The following LHX8 variants were observed in gnomAD, a reference collection of about 807,000 sequenced individuals.
LHX8 encodes LIM/homeobox protein Lhx8.
In LHX8, 12 loss-of-function variants were observed where a neutral mutation model predicts 40.3. The observed-to-expected ratio is 0.30, with a 90% confidence interval of 0.19 to 0.48. LHX8 has a LOEUF of 0.48. LHX8 is among the 20% of genes least tolerant of loss of function. The pLI, the probability that LHX8 is intolerant of heterozygous loss-of-function variation, is 0.99. For synonymous variants in LHX8, 179 were observed against 162.0 expected, an observed-to-expected ratio of 1.10 and a Z score of -0.80; for missense variants, 344 against 433.7, an observed-to-expected ratio of 0.79 and a Z score of 1.84.
chr1:75,196,594 T>G, the LHX8 span, among the ~76,000 whole-genome samples: 17,371 of 152,156 alleles, frequency 0.11, 1,246 homozygotes, highest in Middle Eastern at 0.22. Context: ...GGCTCAGTGG[T>G]TTAGGGATAT....
the LHX8 span, among the ~76,000 whole-genome samples, chr1:75,168,615 C>G: frequency 2.0e-5 from 3 of 152,136 alleles, no homozygotes; most frequent in Non-Finnish European, 4.4e-5. Flanking sequence ...ACACATAACT[C>G]AGTCATATGT....
At chr1:75,157,492 A>G (rs1296730504) in intron 8 of LHX8, among the ~76,000 whole-genome samples, 1 of 152,214 alleles carries the variant, frequency 6.6e-6, no homozygotes. Flanking sequence ...TGCATACGTA[A>G]TAACTATTCA....
At chr1:75,196,574 C>T in the LHX8 span, among the ~76,000 whole-genome samples, 1 of 152,100 alleles carries the variant, frequency 6.6e-6, no homozygotes, top group Non-Finnish European at 1.5e-5. Flanking sequence ...GTATTATAAA[C>T]CTAATGCTTG....
intron 4 of LHX8, among the ~76,000 whole-genome samples, chr1:75,141,361 A>G (rs532210075): frequency 3.0e-4 from 46 of 152,118 alleles, no homozygotes; most frequent in African/African-American, 1.1e-3. Flanking sequence ...AGTTTGAGGC[A>G]TTACAAACAG....
intron 1 of LHX8, among the ~76,000 whole-genome samples, chr1:75,128,828 C>G (rs555823327): frequency 2.4e-4 from 37 of 152,298 alleles, no homozygotes; most frequent in African/African-American, 8.7e-4. Flanking sequence ...CATTGTGCAT[C>G]CTTGGGCCTA....
chr1:75,138,835 G>C (rs149677497), intron 3 of LHX8, among the ~76,000 whole-genome samples: 1 of 152,168 alleles, frequency 6.6e-6, no homozygotes, highest in East Asian at 1.9e-4. Context: ...TAAGTTAAGT[G>C]AGTTACATAA....
chr1:75,174,261 C>T, the LHX8 span, among the ~76,000 whole-genome samples: 1 of 152,166 alleles, frequency 6.6e-6, no homozygotes, highest in African/African-American at 2.4e-5. Flanking sequence ...GCCCCCTATC[C>T]TGGCCATCCT....
chr1:75,130,993 G>T, upstream of LHX8: 2 of 557,002 alleles, frequency 3.6e-6, no homozygotes, highest in Non-Finnish European at 3.3e-6. Context: ...GCCTCCTACA[G>T]TCCTATGGCC....
intron 3 of LHX8, among the ~76,000 whole-genome samples, chr1:75,137,714 T>C (rs1648194352): frequency 6.6e-6 from 1 of 152,224 alleles, no homozygotes; most frequent in Non-Finnish European, 1.5e-5. Context: ...AGAAGAATTT[T>C]AAGTTGGTAT....
the LHX8 span, among the ~76,000 whole-genome samples, chr1:75,192,591 C>T: frequency 6.6e-6 from 1 of 152,172 alleles, no homozygotes; most frequent in African/African-American, 2.4e-5. Flanking sequence ...GACATCTATG[C>T]TTCCTTTTAG....
the LHX8 span, among the ~76,000 whole-genome samples, chr1:75,187,801 C>G: frequency 6.6e-6 from 1 of 152,026 alleles, no homozygotes; most frequent in Non-Finnish European, 1.5e-5. Context: ...AAAGCCCCAG[C>G]AGAAAAGAAG....
the LHX8 span, among the ~76,000 whole-genome samples, chr1:75,179,668 T>G: frequency 1.3e-5 from 2 of 152,190 alleles, no homozygotes; most frequent in Admixed American, 1.3e-4. Flanking sequence ...ATCTTTTAAT[T>G]GGGGTATTTA....
chr1:75,132,114 C>T (rs1052652545), upstream of LHX8, among the ~76,000 whole-genome samples: 5 of 152,094 alleles, frequency 3.3e-5, no homozygotes, highest in Non-Finnish European at 2.9e-5. Flanking sequence ...ATAACTTTTC[C>T]GTTGCCCCAG....
chr1:75,185,952 CA>C, the LHX8 span, among the ~76,000 whole-genome samples: 1 of 151,988 alleles, frequency 6.6e-6, no homozygotes, highest in African/African-American at 2.4e-5. Flanking sequence ...ACAATTGCCA[CA>C]AAAAGAATAA....
chr1:75,149,518 G>T (rs546322146), intron 7 of LHX8, among the ~76,000 whole-genome samples: 71 of 152,194 alleles, frequency 4.7e-4, no homozygotes, highest in African/African-American at 1.6e-3. Context: ...TTTTTTGTTT[G>T]TTTGTTTCTG....
In LHX8 at chr1:75,144,911, G is replaced by A. The variant is rs181570775; in HGVS notation, c.684+963G>A. Among the ~76,000 whole-genome samples, 6 of 152,148 alleles carry A rather than the reference G, an allele frequency of 3.9e-5. No individual in the cohort carries two copies. The East Asian group carries it at 7.7e-4, about 20-fold the overall frequency. On this transcript the variant is annotated intron_variant, in intron 6 of 8. Coordinates refer to ENST00000356261, the MANE Select transcript of LHX8 (RefSeq NM_001256114.2). ...TCTAAGACCTGCCAGTATTTAAGATGGATACAAGTGTTTCAGGAGATAATT... is the reference window on the plus strand; with the variant it reads ...TCTAAGACCTGCCAGTATTTAAGATAGATACAAGTGTTTCAGGAGATAATT...
intron 7 of LHX8, among the ~76,000 whole-genome samples, chr1:75,153,481 C>T (rs936142987): frequency 6.6e-6 from 1 of 150,876 alleles, no homozygotes; most frequent in Non-Finnish European, 1.5e-5. Flanking sequence ...GGTGCAGTCT[C>T]AGCTCACTGC....
upstream of LHX8, among the ~76,000 whole-genome samples, chr1:75,133,373 G>A (rs960743831): frequency 6.6e-6 from 1 of 152,170 alleles, no homozygotes; most frequent in Non-Finnish European, 1.5e-5. Flanking sequence ...TGGGGTCTGG[G>A]CAAGATCATT....
chr1:75,178,788 T>C, the LHX8 span, among the ~76,000 whole-genome samples: 17,451 of 152,136 alleles, frequency 0.11, 1,637 homozygotes, highest in African/African-American at 0.25. Context: ...TAGATCTTTC[T>C]TGCTTTCTCT....
Sources: gnomAD v4.1 joint callset for allele counts (sites outside exome capture counted in the v4.1 genomes callset) on GRCh38, gnomAD v4.1.1 for gene constraint, MANE v1.5 for transcripts, NCBI Gene and HGNC (gene_info 2026-07-23, HGNC 2026-07-21) for gene names.